Variants in TNFRSF21 observed in about 807,000 individuals in gnomAD.
TNFRSF21 encodes the protein tumor necrosis factor receptor superfamily member 21.
Under a neutral mutation model 45.6 loss-of-function variants are expected in TNFRSF21, and 19 were observed. The observed-to-expected ratio is 0.42, with a 90% confidence interval of 0.29 to 0.61. TNFRSF21 has a LOEUF of 0.61. TNFRSF21 is among the 20% of genes least tolerant of loss of function. TNFRSF21 has a pLI of 0.23. For synonymous variants in TNFRSF21, 314 were observed against 335.5 expected (o/e 0.94, Z 0.70); for missense variants, 737 against 851.5 (o/e 0.87, Z 1.67).
chr6:47,309,635 C>A lies in TNFRSF21; in HGVS notation c.-124G>T. 7.7e-7 allele frequency: 1 copy of A among 1,291,882 alleles called. No individual in the cohort carries two copies. Among genetic ancestry groups the A allele is most frequent in the Non-Finnish European group, 9.9e-7 (1 of 1,006,134 alleles). The allele number at this position is 1,291,882 out of a possible 1,614,324, so 80.0% of individuals were successfully genotyped here. On this transcript the variant is annotated 5_prime_UTR_variant, in exon 1 of 6. Transcript: ENST00000296861. The stretch of plus-strand genomic sequence containing the variant: ...CCGGGAGCCCATCTACCTCCAACAC[C>A]CCATGTGCACTGCTGCGGCCGGGCA...
chr6:47,270,762 C>T (rs967925235), intron 3 of TNFRSF21, among the ~76,000 whole-genome samples: 3 of 151,808 alleles, frequency 2.0e-5, no homozygotes, highest in Admixed American at 6.6e-5. Flanking sequence ...AAGCTAAAAA[C>T]CTTGAAAAAA....
chr6:47,249,340 G>A (rs879608771), intron 4 of TNFRSF21, among the ~76,000 whole-genome samples: 1 of 152,148 alleles, frequency 6.6e-6, no homozygotes, highest in Admixed American at 6.5e-5. Context: ...TGGTTAGCAG[G>A]GGAAACTTAA....
intron 4 of TNFRSF21, among the ~76,000 whole-genome samples, chr6:47,240,520 A>C (rs1764729295): frequency 1.3e-5 from 2 of 152,250 alleles, no homozygotes; most frequent in Admixed American, 1.3e-4. Flanking sequence ...GCCCCAAGCC[A>C]TAGAACCAGG....
intron 1 of TNFRSF21, among the ~76,000 whole-genome samples, chr6:47,302,670 C>T (rs565565012): frequency 2.6e-5 from 4 of 152,294 alleles, no homozygotes; most frequent in South Asian, 2.1e-4. Flanking sequence ...CAAGCACCAT[C>T]GTGGAGCAGA....
Position 47,309,345 on chromosome 6 carries a change from C to T in TNFRSF21, c.96+71G>A, listed in dbSNP as rs962472691. On this transcript the variant is annotated intron_variant, in intron 1 of 5. Coordinates refer to ENST00000296861, the MANE Select transcript of TNFRSF21 (RefSeq NM_014452.5). ...CTCCCTAAGCCCCGGCCCGGTGACCCGCCCGGCTCCCGGAGAGCGGTTCCT... is the reference window on the plus strand; with the variant it reads ...CTCCCTAAGCCCCGGCCCGGTGACCTGCCCGGCTCCCGGAGAGCGGTTCCT... 3 of 1,478,078 alleles carry T rather than the reference C, an allele frequency of 2.0e-6. No individual in the cohort carries two copies. In the South Asian group the frequency reaches 3.9e-5, roughly 19 times the overall value. The allele number at this position is 1,478,078 out of a possible 1,614,324, so 91.6% of individuals were successfully genotyped here.
chr6:47,302,163 C>T (rs1762872871), intron 1 of TNFRSF21, among the ~76,000 whole-genome samples: 1 of 152,226 alleles, frequency 6.6e-6, no homozygotes, highest in African/African-American at 2.4e-5. Flanking sequence ...TAAAAGCTTA[C>T]TTAAGCGAGT....
chr6:47,272,095 T>G (rs1718670299), intron 3 of TNFRSF21, among the ~76,000 whole-genome samples: 1 of 152,150 alleles, frequency 6.6e-6, no homozygotes, highest in Admixed American at 6.5e-5. Flanking sequence ...TTGTCAGTAT[T>G]AGACAGATCA....
chr6:47,270,779 G>T (rs1223272711), intron 3 of TNFRSF21, among the ~76,000 whole-genome samples: 1 of 152,142 alleles, frequency 6.6e-6, no homozygotes, highest in Non-Finnish European at 1.5e-5. Flanking sequence ...AAAAAAGTTA[G>T]ACTAATGGCT....
chr6:47,254,917 T>C (rs1764958305), intron 3 of TNFRSF21, among the ~76,000 whole-genome samples: 1 of 152,218 alleles, frequency 6.6e-6, no homozygotes, highest in South Asian at 2.1e-4. Flanking sequence ...GTTAGGCTAC[T>C]GGCCCAGTAT....
rs1762986075 is a variant in TNFRSF21, at chr6:47,309,453, C to T, written c.59G>A (p.Arg20Gln). ...GCCCGCGATCATCGTGGCTGTGGCT[C>T]GGCGGGCGATGCGGCTGCAGGAGGC... The part of the protein sequence containing the change: ...ALASCSRIAR[R>Q]ATATMIAGSL... Residue 20 changes from arginine to glutamine, a missense_variant, in exon 1 of 6, where the codon CGA becomes CAA. Transcript: ENST00000296861. 3.3e-6 allele frequency: 5 copies of T among 1,536,786 alleles called. No individual in the cohort carries two copies. The highest frequency in any genetic ancestry group is 2.8e-5 in the African/African-American group (2 of 70,232).
intron 1 of TNFRSF21, among the ~76,000 whole-genome samples, chr6:47,305,225 G>T (rs1399923394): frequency 6.6e-6 from 1 of 152,108 alleles, no homozygotes; most frequent in Non-Finnish European, 1.5e-5. Flanking sequence ...TACCTTCATG[G>T]CAAGATCCAA....
At chr6:47,296,313 C>T (rs541083563) in intron 1 of TNFRSF21, among the ~76,000 whole-genome samples, 1 of 152,216 alleles carries the variant, frequency 6.6e-6, no homozygotes, top group East Asian at 1.9e-4. Flanking sequence ...ATATTTTAGT[C>T]TATAGTGTGC....
At chr6:47,309,395 C>T (rs190144064) in intron 1 of TNFRSF21, 21 bp downstream of exon 1, 4 of 1,524,692 alleles carry the variant, frequency 2.6e-6, no homozygotes, top group African/African-American at 2.9e-5. Context: ...GCCGCCACCC[C>T]CGGTCCACGC....
chr6:47,289,154 A>T (rs553071065), intron 1 of TNFRSF21, among the ~76,000 whole-genome samples: 3 of 152,328 alleles, frequency 2.0e-5, no homozygotes, highest in East Asian at 3.9e-4. Flanking sequence ...TGTGTCAAGG[A>T]AATAATGGCT....
intron 1 of TNFRSF21, among the ~76,000 whole-genome samples, chr6:47,306,048 T>C (rs1210995894): frequency 6.6e-6 from 1 of 152,154 alleles, no homozygotes. Flanking sequence ...GTCAAGATGG[T>C]GGAAGGTAAG....
At chr6:47,244,830 A>G (rs534324899) in intron 4 of TNFRSF21, among the ~76,000 whole-genome samples, 1 of 152,340 alleles carries the variant, frequency 6.6e-6, no homozygotes, top group East Asian at 1.9e-4. Flanking sequence ...CCTACTGCTG[A>G]CCATGATGCA....
intron 3 of TNFRSF21, among the ~76,000 whole-genome samples, chr6:47,274,707 C>T (rs200606272): frequency 1.1e-4 from 16 of 152,204 alleles, no homozygotes; most frequent in East Asian, 7.7e-4. Flanking sequence ...AGGCAGCCTA[C>T]GGAATGGGAG....
rs115763200 is a variant in TNFRSF21, at chr6:47,292,104, G to A, written c.97-5509C>T. Among the ~76,000 whole-genome samples the A allele has an allele frequency of 6.9e-3, 1,055 of 152,250 alleles. 8 individuals are homozygous for A. Among genetic ancestry groups the A allele is most frequent in the Middle Eastern group, 0.031 (9 of 294 alleles). On this transcript the variant is annotated intron_variant, in intron 1 of 5. Transcript: ENST00000296861. ...TGAAACAATGAGTAATGGGGGTGAG[G>A]TGGACCCCATTCAAAAGTGGCATTT...
intron 4 of TNFRSF21, among the ~76,000 whole-genome samples, chr6:47,244,190 G>A (rs1329218504): frequency 1.3e-5 from 2 of 152,092 alleles, no homozygotes; most frequent in Admixed American, 6.5e-5. Context: ...CAGGCGTGGT[G>A]GCGGGGACCT....
Sources: allele counts gnomAD v4.1 joint callset (sites outside exome capture counted in the v4.1 genomes callset), GRCh38; gene constraint gnomAD v4.1.1; transcripts MANE v1.5; gene names NCBI Gene and HGNC (gene_info 2026-07-23, HGNC 2026-07-21).